The following PRDM6 variants were observed in gnomAD, a reference collection of about 807,000 sequenced individuals.
PRDM6 encodes the protein putative histone-lysine N-methyltransferase PRDM6.
A neutral mutation model predicts 60.8 loss-of-function variants in PRDM6; 25 were observed. The observed-to-expected ratio is 0.41, with a 90% CI of 0.30 to 0.57. The LOEUF (loss-of-function observed/expected upper bound fraction) is 0.57, where lower values mean the gene tolerates loss of function less well. PRDM6 is among the 20% of genes least tolerant of loss of function. The probability of loss-of-function intolerance (pLI) is 0.27; values close to 1 mark genes in which losing one functional copy is unlikely to be tolerated. For missense variants in PRDM6, 839 were observed against 821.3 expected, an observed-to-expected ratio of 1.02 and a Z score of -0.26; for synonymous variants, 407 against 357.4, an observed-to-expected ratio of 1.14 and a Z score of -1.57.
At chr5:123,124,744 A>G (rs923662352) in intron 3 of PRDM6, among the ~76,000 whole-genome samples, 2 of 152,190 alleles carry the variant, frequency 1.3e-5, no homozygotes, top group African/African-American at 4.8e-5. Flanking sequence ...AGAAGTCTGG[A>G]AAGTTGGACG....
intron 2 of PRDM6, among the ~76,000 whole-genome samples, chr5:123,095,158 G>A (rs1763928577): frequency 6.6e-6 from 1 of 152,230 alleles, no homozygotes; most frequent in African/African-American, 2.4e-5. Context: ...CCCGCTCCCG[G>A]GGCTTGGAAG....
intron 6 of PRDM6, among the ~76,000 whole-genome samples, chr5:123,172,185 GA>G (rs1442572091): frequency 6.6e-6 from 1 of 152,058 alleles, no homozygotes; most frequent in African/African-American, 2.4e-5. Flanking sequence ...AGTGTGCCTA[GA>G]AAACCCAAGC....
At chr5:123,098,203 C>A (rs1764002880) in intron 2 of PRDM6, among the ~76,000 whole-genome samples, 1 of 152,236 alleles carries the variant, frequency 6.6e-6, no homozygotes, top group East Asian at 1.9e-4. Flanking sequence ...CTGGCGGCGG[C>A]AGGTACCCGG....
intron 3 of PRDM6, among the ~76,000 whole-genome samples, chr5:123,133,690 T>C (rs1003808395): frequency 4.6e-5 from 7 of 152,004 alleles, no homozygotes; most frequent in African/African-American, 1.7e-4. Flanking sequence ...CTTGTCAAAG[T>C]AGCTGAAAAA....
rs1764833927 is a variant in PRDM6 at position 123,131,520 on chromosome 5, G to T, written c.901-24364G>T. ...TTAATGTTGACAGCATTTACCGTAT[G>T]CCTGGCATTGTTCTGTGCACTTTGC... On this transcript the variant is annotated intron_variant, in intron 3 of 7. Transcript: ENST00000407847. 4.6e-5 allele frequency among the ~76,000 whole-genome samples: 7 copies of T among 152,314 alleles called. No homozygotes were observed. In the South Asian group the frequency reaches 1.4e-3, roughly 32 times the overall value.
chr5:123,097,832 A>C (rs905298997), intron 2 of PRDM6, among the ~76,000 whole-genome samples: 1 of 152,236 alleles, frequency 6.6e-6, no homozygotes, highest in Non-Finnish European at 1.5e-5. Flanking sequence ...CGGCATGGAC[A>C]CTTCTCTGCT....
intron 3 of PRDM6, among the ~76,000 whole-genome samples, chr5:123,148,806 T>C (rs1157982525): frequency 1.3e-5 from 2 of 152,158 alleles, no homozygotes; most frequent in African/African-American, 4.8e-5. Flanking sequence ...TTTGGAGAAT[T>C]TCAGTTAGTT....
rs1185949644 is a variant in PRDM6 at position 123,099,326 on chromosome 5, C to G, written c.593-328C>G. ...AGACAGAGGGAGAGATGCAGAGAGA[C>G]TGAAACGGGAGGAAGAAGCCTGGAA... is the stretch of plus-strand genomic sequence containing the variant. On this transcript the variant is annotated intron_variant, in intron 2 of 7. Transcript: ENST00000407847. The surrounding 1 kb of genome is among the most constrained non-coding windows in gnomAD (Gnocchi z 4.0). Among the ~76,000 whole-genome samples, 1 of 152,100 alleles carries G rather than the reference C, an allele frequency of 6.6e-6. No homozygotes were observed. The highest frequency in any genetic ancestry group is 1.9e-4 in the East Asian group (1 of 5,174).
At chr5:123,152,587 T>A (rs1765393915) in intron 3 of PRDM6, among the ~76,000 whole-genome samples, 2 of 152,230 alleles carry the variant, frequency 1.3e-5, no homozygotes, top group South Asian at 2.1e-4. Flanking sequence ...TATGCTTATG[T>A]TAAAACGAGC....
intron 3 of PRDM6, among the ~76,000 whole-genome samples, chr5:123,130,008 C>T (rs1205988597): frequency 6.7e-6 from 1 of 149,314 alleles, no homozygotes; most frequent in Admixed American, 6.7e-5. Flanking sequence ...TTTCCCTTTC[C>T]TTTTCCCTTT....
intron 2 of PRDM6, among the ~76,000 whole-genome samples, chr5:123,098,593 G>A (rs1269793510): frequency 6.6e-6 from 1 of 152,234 alleles, no homozygotes; most frequent in Admixed American, 6.5e-5. Flanking sequence ...GGCCCGGAGG[G>A]TGGGGGTCCC....
At chr5:123,130,775 C>G (rs1764814786) in intron 3 of PRDM6, among the ~76,000 whole-genome samples, 1 of 152,156 alleles carries the variant, frequency 6.6e-6, no homozygotes, top group Admixed American at 6.6e-5. Context: ...CCATGTTTGT[C>G]AGGCTGGTCT....
At chr5:123,100,011 A>G (rs1386787382) in intron 3 of PRDM6, 50 bp downstream of exon 3, 4 of 1,442,328 alleles carry the variant, frequency 2.8e-6, no homozygotes, top group Middle Eastern at 1.9e-4. Context: ...AGCCTTGGCC[A>G]GCAGGGAGCC....
In PRDM6 at chr5:123,187,563, A is replaced by G. The variant is rs1766317072; in HGVS notation, c.*362A>G. ...CTTCTGCCCACCGTTGTGACTAAGA[A>G]TGCACAGGGACTTGGTTCTCGTTGC... is the stretch of plus-strand genomic sequence containing the variant. On this transcript the variant is annotated 3_prime_UTR_variant, in exon 8 of 8. Transcript: ENST00000407847. 1 of 198,372 alleles carries G rather than the reference A, an allele frequency of 5.0e-6. No homozygotes were observed. Among genetic ancestry groups the G allele is most frequent in the Non-Finnish European group, 1.0e-5 (1 of 95,446 alleles). 12.3% of individuals were successfully genotyped at this position (198,372 alleles called of 1,614,324 possible). A position where few individuals can be genotyped will look rare whatever the true frequency, so the allele number is the denominator to read the frequency against.
At chr5:123,177,470 C>T (rs114884312) in intron 6 of PRDM6, among the ~76,000 whole-genome samples, 1,974 of 152,196 alleles carry the variant, frequency 0.013, 52 homozygotes, top group African/African-American at 0.045. Context: ...TTCAATGTAC[C>T]TAAGAATGAA....
intron 7 of PRDM6, among the ~76,000 whole-genome samples, chr5:123,183,954 T>C (rs188635567): frequency 3.9e-5 from 6 of 152,272 alleles, no homozygotes; most frequent in African/African-American, 1.2e-4. Context: ...TTCTTCATTA[T>C]TGTTAGAAGC....
At chr5:123,126,666 C>G (rs1764701295) in intron 3 of PRDM6, among the ~76,000 whole-genome samples, 1 of 152,232 alleles carries the variant, frequency 6.6e-6, no homozygotes, top group South Asian at 2.1e-4. Flanking sequence ...ATCTGCTGGA[C>G]AAGAGATGAC....
At chr5:123,110,901 C>T (rs1479065002) in intron 3 of PRDM6, among the ~76,000 whole-genome samples, 1 of 151,984 alleles carries the variant, frequency 6.6e-6, no homozygotes, top group African/African-American at 2.4e-5. Context: ...AGGGGTGATA[C>T]TCAAACTATG....
intron 3 of PRDM6, among the ~76,000 whole-genome samples, chr5:123,153,351 A>C (rs1050602217): frequency 1.2e-4 from 18 of 152,150 alleles, no homozygotes; most frequent in Non-Finnish European, 2.5e-4. Context: ...GAATGACATA[A>C]ATGCACTTGA....
Sources: gnomAD v4.1 joint callset for allele counts (sites outside exome capture counted in the v4.1 genomes callset) on GRCh38, gnomAD v4.1.1 for gene constraint, Gnocchi (gnomAD v3.1) non-coding constraint, MANE v1.5 for transcripts, NCBI Gene and HGNC (gene_info 2026-07-23, HGNC 2026-07-21) for gene names.